The following APP variants were observed in gnomAD, a reference collection of about 807,000 sequenced individuals.
APP encodes amyloid-beta precursor protein.
A neutral mutation model predicts 101.4 loss-of-function variants in APP; 31 were observed. The ratio of observed to expected loss-of-function variants is 0.31; its 90% CI spans 0.23 to 0.41. APP has a LOEUF of 0.41. Among genes scored for constraint, APP ranks in the 10% least tolerant of loss-of-function variants. APP has a pLI of 1.00. For missense variants in APP, 839 were observed against 1,003.7 expected (o/e 0.84, Z 2.22); for synonymous variants, 366 against 364.4 (o/e 1.00, Z -0.05).
chr21:25,986,065 T>A (rs2042624943), intron 8 of APP, among the ~76,000 whole-genome samples: 2 of 152,178 alleles, frequency 1.3e-5, no homozygotes, highest in Admixed American at 1.3e-4. Flanking sequence ...CCTTATATCC[T>A]AAAGAGATTA....
At chr21:25,987,485 A>G (rs1568813243) in intron 8 of APP, among the ~76,000 whole-genome samples, 1 of 152,234 alleles carries the variant, frequency 6.6e-6, no homozygotes, top group South Asian at 2.1e-4. Context: ...GTCTCCTAAC[A>G]GAGCCTTGAG....
chr21:25,902,696 C>G (rs954723298), intron 15 of APP, among the ~76,000 whole-genome samples: 14 of 152,190 alleles, frequency 9.2e-5, no homozygotes, highest in African/African-American at 3.1e-4. Context: ...TTAACATGCC[C>G]CTGGGTTAGT....
chr21:25,969,180 A>T (rs1010630213), intron 11 of APP, among the ~76,000 whole-genome samples: 46 of 144,906 alleles, frequency 3.2e-4, no homozygotes, highest in African/African-American at 1.2e-3. Flanking sequence ...TCTACTAAAA[A>T]TACAAAAAAA....
At position 26,152,899 on chromosome 21, in the gene APP, C is replaced by T. The variant is rs1421374988; in HGVS notation, c.57+17665G>A. On this transcript the variant is annotated intron_variant, in intron 1 of 17. Coordinates refer to ENST00000346798, the MANE Select transcript of APP (RefSeq NM_000484.4). ...AAAGATGCAGAACCAACCTAAGTGG[C>T]CACTGACTAATGAGAGGATAAAGAA... is the stretch of plus-strand genomic sequence containing the variant. 4.6e-5 allele frequency among the ~76,000 whole-genome samples: 7 copies of T among 152,306 alleles called. No individual in the cohort carries two copies. In the East Asian group the frequency reaches 1.2e-3, roughly 25 times the overall value.
intron 13 of APP, chr21:25,928,646 T>C (rs1212605560): frequency 1.3e-5 from 2 of 152,210 alleles, no homozygotes; most frequent in African/African-American, 4.8e-5. Flanking sequence ...GATGTCTTCC[T>C]CTGGTTCGAT....
intron 14 of APP, among the ~76,000 whole-genome samples, chr21:25,906,078 TCAG>T (rs997960168): frequency 6.6e-6 from 1 of 152,148 alleles, no homozygotes; most frequent in Non-Finnish European, 1.5e-5. Flanking sequence ...TCTAACAATT[TCAG>T]CAAAACCATC....
chr21:26,002,486 T>C (rs1434706553), intron 6 of APP, among the ~76,000 whole-genome samples: 1 of 152,256 alleles, frequency 6.6e-6, no homozygotes, highest in Non-Finnish European at 1.5e-5. Context: ...TCTCTGTATC[T>C]CCTTCACCAA....
Position 26,069,219 on chromosome 21 carries a change from A to G in APP, c.356-15871T>C, listed in dbSNP as rs184123534. 7.9e-4 allele frequency among the ~76,000 whole-genome samples: 121 copies of G among 152,298 alleles called. 1 individual carries two copies. Among genetic ancestry groups the G allele is most frequent in the Non-Finnish European group, 2.8e-4 (19 of 68,026 alleles). On this transcript the variant is annotated intron_variant, in intron 3 of 17. Coordinates refer to ENST00000346798, the MANE Select transcript of APP (RefSeq NM_000484.4). ...CTTTCTCAATAGATACTTATCGCTCATGAATGTCTGTGAATCAGAAGACCA... is the reference window on the plus strand; with the variant it reads ...CTTTCTCAATAGATACTTATCGCTCGTGAATGTCTGTGAATCAGAAGACCA...
intron 3 of APP, among the ~76,000 whole-genome samples, chr21:26,057,161 G>A (rs1226795392): frequency 4.6e-5 from 7 of 152,058 alleles, no homozygotes; most frequent in Non-Finnish European, 4.4e-5. Context: ...GCCTATGATC[G>A]TATATACCTG....
chr21:26,107,508 T>C (rs917248579), intron 2 of APP, among the ~76,000 whole-genome samples: 3 of 152,214 alleles, frequency 2.0e-5, no homozygotes, highest in Admixed American at 6.5e-5. Flanking sequence ...ATCTTTCCCC[T>C]CATTTAGAAA....
At chr21:26,103,719 GC>G (rs1406859772) in intron 2 of APP, among the ~76,000 whole-genome samples, 3 of 152,222 alleles carry the variant, frequency 2.0e-5, no homozygotes, top group Admixed American at 6.5e-5. Context: ...CAGAACTCCT[GC>G]CCATTACCGC....
chr21:26,137,876 C>T (rs2062954810), intron 1 of APP, among the ~76,000 whole-genome samples: 1 of 152,096 alleles, frequency 6.6e-6, no homozygotes, highest in South Asian at 2.1e-4. Flanking sequence ...GGATCTGAGT[C>T]ATGGCTGTTC....
chr21:26,013,628 T>C (rs964301619), intron 6 of APP, among the ~76,000 whole-genome samples: 6 of 152,204 alleles, frequency 3.9e-5, no homozygotes, highest in African/African-American at 1.4e-4. Context: ...TGCCTTTCAC[T>C]GATTACTTCT....
intron 1 of APP, 37 bp from the exon 2 acceptor site, chr21:26,112,183 A>C: frequency 6.2e-7 from 1 of 1,607,218 alleles, no homozygotes. Flanking sequence ...TAGTATCCAT[A>C]GCTCCAAGGC....
intron 2 of APP, among the ~76,000 whole-genome samples, chr21:26,101,070 G>A (rs1044715791): frequency 7.1e-5 from 9 of 126,226 alleles, no homozygotes; most frequent in Non-Finnish European, 1.5e-4. Flanking sequence ...GGAAGAGCCT[G>A]TTTCAAGTTA....
intron 17 of APP, among the ~76,000 whole-genome samples, chr21:25,890,907 G>A (rs1040962527): frequency 2.0e-5 from 3 of 151,712 alleles, no homozygotes; most frequent in Non-Finnish European, 2.9e-5. Context: ...TTAAAATATC[G>A]CAATTAAATG....
rs2043125468 is a variant in APP, at chr21:25,998,084, T to C, written c.1034-668A>G. 2.0e-5 allele frequency among the ~76,000 whole-genome samples: 3 copies of C among 152,170 alleles called. No homozygotes were observed. The South Asian group carries it at 6.2e-4, about 32-fold the overall frequency. ...GTGAGGTGGAGAGAATTTTAATCTC[T>C]TGAAGCAAATTCATCACTGCTAATA... is the stretch of plus-strand genomic sequence containing the variant. On this transcript the variant is annotated intron_variant, in intron 7 of 17. Transcript: ENST00000346798.
intron 13 of APP, among the ~76,000 whole-genome samples, chr21:25,925,778 A>G (rs1352943138): frequency 6.6e-6 from 1 of 152,162 alleles, no homozygotes; most frequent in Non-Finnish European, 1.5e-5. Flanking sequence ...TACTAAAAAA[A>G]TACAAAAATT....
chr21:26,127,435 T>C lies in APP; in HGVS notation c.58-15289A>G, dbSNP rs193135242. Among the ~76,000 whole-genome samples, 124 of 152,324 alleles carry C rather than the reference T, an allele frequency of 8.1e-4. 1 individual carries two copies. The highest frequency in any genetic ancestry group is 6.5e-4 in the Admixed American group (10 of 15,306). On this transcript the variant is annotated intron_variant, in intron 1 of 17. Coordinates refer to ENST00000346798, the MANE Select transcript of APP (RefSeq NM_000484.4). Reference sequence around the variant, plus strand: ...TAACTCTACTGGAATAACAAATATATACTAATAGGTTACATAAATCAAAAG... The same window carrying C: ...TAACTCTACTGGAATAACAAATATACACTAATAGGTTACATAAATCAAAAG...
Sources: allele counts gnomAD v4.1 joint callset (sites outside exome capture counted in the v4.1 genomes callset), GRCh38; gene constraint gnomAD v4.1.1; transcripts MANE v1.5; gene names NCBI Gene and HGNC (gene_info 2026-07-23, HGNC 2026-07-21).